The following SYT16 variants were observed in gnomAD, a reference collection of about 807,000 sequenced individuals.
SYT16 encodes the protein synaptotagmin 16.
In SYT16, 42 loss-of-function variants were observed where a neutral mutation model predicts 61.4. The ratio of observed to expected loss-of-function variants is 0.68; its 90% CI spans 0.53 to 0.89. The LOEUF (loss-of-function observed/expected upper bound fraction) is 0.89. Among genes scored for constraint, SYT16 ranks in the 40% least tolerant of loss-of-function variants. The probability of loss-of-function intolerance (pLI) is 0.00; values close to 1 mark genes in which losing one functional copy is unlikely to be tolerated. For synonymous variants in SYT16, 314 were observed against 302.3 expected (o/e 1.04, Z -0.40); for missense variants, 804 against 807.3 (o/e 1.00, Z 0.05).
At chr14:61,986,448 T>C (rs1268258335) in intron 2 of SYT16, among the ~76,000 whole-genome samples, 1 of 148,712 alleles carries the variant, frequency 6.7e-6, no homozygotes, top group East Asian at 1.9e-4. Flanking sequence ...AAAAAATTTA[T>C]ATATATATAT....
intron 7 of SYT16, among the ~76,000 whole-genome samples, chr14:62,098,205 G>A (rs889005736): frequency 5.3e-5 from 8 of 152,160 alleles, no homozygotes; most frequent in Admixed American, 1.3e-4. Flanking sequence ...CTGCGTTTAC[G>A]CTTTAAAAAG....
chr14:61,843,347 A>G (rs2140256453), intron 1 of SYT16, among the ~76,000 whole-genome samples: 1 of 152,264 alleles, frequency 6.6e-6, no homozygotes, highest in African/African-American at 2.4e-5. Context: ...ACACCTTTCC[A>G]TAGAGTTATT....
rs775728706 is a variant in SYT16 at position 62,069,689 on chromosome 14, C to T, written c.610C>T (p.Arg204Trp). The change falls in exon 4 of 8, where the codon CGG becomes TGG. Residue 204 changes from arginine (R) to tryptophan (W), a missense_variant. Arg to Trp is a moderately radical substitution (Grantham distance 101, BLOSUM62 -3). Transcript: ENST00000683842. The stretch of plus-strand genomic sequence containing the variant: ...CAAACAATTTGAGATTTCCGTGTCC[C>T]GGTCCCAGAGTTTCCGTTCAGTGAC... The part of the protein sequence containing the change: ...VIKQFEISVS[R>W]SQSFRSVTSE... The T allele has an allele frequency of 3.0e-5, 48 of 1,613,798 alleles. No homozygotes were observed. The highest frequency in any genetic ancestry group is 1.6e-4 in the Middle Eastern group (1 of 6,084).
chr14:62,047,381 C>A (rs7150783), intron 3 of SYT16, among the ~76,000 whole-genome samples: 57,015 of 151,750 alleles, frequency 0.38, 14,488 homozygotes, highest in African/African-American at 0.73. Flanking sequence ...TGGGCTGAGA[C>A]AATGGGGTTT....
intron 3 of SYT16, among the ~76,000 whole-genome samples, chr14:62,003,441 T>G (rs1408472321): frequency 6.6e-6 from 1 of 151,894 alleles, no homozygotes; most frequent in Middle Eastern, 3.2e-3. Flanking sequence ...CTTACCAGCT[T>G]GTATGAATCT....
chr14:61,816,890 A>C (rs1026127546), intron 1 of SYT16, among the ~76,000 whole-genome samples: 1 of 151,874 alleles, frequency 6.6e-6, no homozygotes, highest in African/African-American at 2.4e-5. Context: ...GGGCGCTTGT[A>C]GTCCCATCTA....
chr14:61,961,854 A>G (rs766453143), intron 1 of SYT16, among the ~76,000 whole-genome samples: 1 of 152,182 alleles, frequency 6.6e-6, no homozygotes, highest in Non-Finnish European at 1.5e-5. Context: ...TAGCAAAGTC[A>G]TGGAATCAAC....
intron 1 of SYT16, among the ~76,000 whole-genome samples, chr14:61,902,829 G>C (rs1384682761): frequency 1.8e-4 from 28 of 152,140 alleles, no homozygotes; most frequent in Admixed American, 1.8e-3. Flanking sequence ...AAGTGCAATT[G>C]GTTTCCCCTT....
At position 62,102,425 on chromosome 14, in the gene SYT16, G is replaced by T. The variant is rs1469316063; in HGVS notation, c.*1718G>T. 6.6e-6 allele frequency: 1 copy of T among 152,056 alleles called. No homozygotes were observed. Among genetic ancestry groups the T allele is most frequent in the African/African-American group, 2.4e-5 (1 of 41,414 alleles). 9.4% of individuals were successfully genotyped at this position (152,056 alleles called of 1,614,324 possible). Reference sequence around the variant, plus strand: ...AGGTCATGGGAGTTTCATATATATGGCTGCTCAGTTATTAGGAATATGTAA... The same window carrying T: ...AGGTCATGGGAGTTTCATATATATGTCTGCTCAGTTATTAGGAATATGTAA... On this transcript the variant is annotated 3_prime_UTR_variant, in exon 8 of 8. Coordinates refer to ENST00000683842, the MANE Select transcript of SYT16 (RefSeq NM_001367656.1).
intron 1 of SYT16, among the ~76,000 whole-genome samples, chr14:61,947,587 G>T (rs1168560486): frequency 6.6e-6 from 1 of 152,036 alleles, no homozygotes; most frequent in Non-Finnish European, 1.5e-5. Flanking sequence ...GGGTTATTGT[G>T]CATAAAATGA....
intron 1 of SYT16, among the ~76,000 whole-genome samples, chr14:61,945,201 G>A (rs992256901): frequency 1.3e-5 from 2 of 152,216 alleles, no homozygotes; most frequent in Admixed American, 1.3e-4. Context: ...TCTCATGCCA[G>A]TTAGAATGGT....
intron 3 of SYT16, among the ~76,000 whole-genome samples, chr14:62,008,121 A>G (rs2053297666): frequency 6.6e-6 from 1 of 152,030 alleles, no homozygotes; most frequent in African/African-American, 2.4e-5. Context: ...ATTTATTTAT[A>G]AAAATATGGA....
At chr14:61,922,393 G>C (rs1188423334) in intron 1 of SYT16, among the ~76,000 whole-genome samples, 2 of 152,172 alleles carry the variant, frequency 1.3e-5, no homozygotes, top group Non-Finnish European at 2.9e-5. Flanking sequence ...AACATGGATG[G>C]AGCTGGAGTC....
chr14:61,963,149 T>C (rs528994084), intron 1 of SYT16, among the ~76,000 whole-genome samples: 1 of 152,252 alleles, frequency 6.6e-6, no homozygotes, highest in Admixed American at 6.5e-5. Flanking sequence ...CACAACAATA[T>C]TAAAATTAGG....
intron 3 of SYT16, among the ~76,000 whole-genome samples, chr14:62,055,286 C>T (rs1226600480): frequency 2.0e-5 from 3 of 152,204 alleles, no homozygotes; most frequent in Non-Finnish European, 4.4e-5. Context: ...AGGAGGCATA[C>T]AAATGAGACA....
intron 3 of SYT16, among the ~76,000 whole-genome samples, chr14:62,052,826 C>A (rs1408029176): frequency 6.6e-6 from 1 of 152,150 alleles, no homozygotes; most frequent in Non-Finnish European, 1.5e-5. Flanking sequence ...AGGGCCCTCA[C>A]CAGAGCCTAA....
chr14:61,887,303 T>A (rs974907593), intron 1 of SYT16, among the ~76,000 whole-genome samples: 6 of 152,158 alleles, frequency 3.9e-5, no homozygotes, highest in African/African-American at 1.4e-4. Context: ...CATCCAGGCT[T>A]TGTTGTTTTA....
intron 1 of SYT16, among the ~76,000 whole-genome samples, chr14:61,894,487 G>A (rs1185919803): frequency 6.6e-6 from 1 of 152,118 alleles, no homozygotes; most frequent in Non-Finnish European, 1.5e-5. Context: ...TAAAGACATA[G>A]GTAATTGCTG....
chr14:62,087,477 C>G (rs536163753), intron 7 of SYT16, among the ~76,000 whole-genome samples: 1 of 152,276 alleles, frequency 6.6e-6, no homozygotes, highest in East Asian at 1.9e-4. Flanking sequence ...TCAATCATGC[C>G]CGACGGGGCG....
Sources: gnomAD v4.1 joint callset for allele counts (sites outside exome capture counted in the v4.1 genomes callset) on GRCh38, gnomAD v4.1.1 for gene constraint, MANE v1.5 for transcripts, NCBI Gene and HGNC (gene_info 2026-07-23, HGNC 2026-07-21) for gene names.